RHPN2: variants seen among roughly 807,000 people sequenced by gnomAD.
RHPN2 encodes the protein rhophilin Rho GTPase binding protein 2, also known as rhophilin-2.
RHPN2 carries 40 observed loss-of-function variants against 79.0 expected under a neutral mutation model. That is an observed-to-expected ratio of 0.51 (90% CI 0.39 to 0.66). The LOEUF (loss-of-function observed/expected upper bound fraction) is 0.66. Ranked by LOEUF, RHPN2 falls within the 30% of genes least tolerant of loss-of-function variation. RHPN2 has a pLI of 0.00. For missense variants in RHPN2, 686 were observed against 883.5 expected, an observed-to-expected ratio of 0.78 and a Z score of 2.83; for synonymous variants, 285 against 363.5, an observed-to-expected ratio of 0.78 and a Z score of 2.46.
At chr19:33,060,303 A>G (rs917716282) in intron 1 of RHPN2, among the ~76,000 whole-genome samples, 3 of 151,862 alleles carry the variant, frequency 2.0e-5, no homozygotes, top group Non-Finnish European at 4.4e-5. Flanking sequence ...GTGCCACCAC[A>G]CCTGGCTAAT....
chr19:33,021,788 T>G, intron 3 of RHPN2, 142 bp from the exon 4 acceptor site: 1 of 692,346 alleles, frequency 1.4e-6, no homozygotes, highest in Non-Finnish European at 2.7e-6. Flanking sequence ...CAGGCTCATT[T>G]TCCATAAGGA....
chr19:33,011,816 GA>G lies in RHPN2; in HGVS notation c.469-14del, dbSNP rs1971837819. On this transcript the variant is annotated splice_polypyrimidine_tract_variant and intron_variant, in intron 5 of 14. Coordinates refer to ENST00000254260, the MANE Select transcript of RHPN2 (RefSeq NM_033103.5). ...GCGTCCGACAAGCCTGCAAGGAAAA[GA>G]ACCCAAGAGGGCATGAGCAGAGGAG... 6.2e-7 allele frequency: 1 copy of G among 1,613,938 alleles called. No individual in the cohort carries two copies. Among genetic ancestry groups the G allele is most frequent in the Admixed American group, 1.7e-5 (1 of 59,998 alleles).
intron 2 of RHPN2, among the ~76,000 whole-genome samples, chr19:33,030,025 G>A (rs564859133): frequency 1.3e-5 from 2 of 152,336 alleles, no homozygotes; most frequent in Non-Finnish European, 2.9e-5. Context: ...TGGATTCCCA[G>A]AAGGAAGGCA....
At chr19:32,981,431 GGGAAGGGAAGAGGGGAAA>G (rs1438479794) in intron 14 of RHPN2, among the ~76,000 whole-genome samples, 5 of 113,512 alleles carry the variant, frequency 4.4e-5, no homozygotes, top group African/African-American at 1.3e-4. Context: ...GGGGGGCGGG[GGGAAGGGAAGAGGGGAAA>G]GGAAGGGAAG....
At chr19:33,044,031 C>T (rs531045319) in intron 2 of RHPN2, among the ~76,000 whole-genome samples, 4 of 152,214 alleles carry the variant, frequency 2.6e-5, no homozygotes, top group South Asian at 2.1e-4. Flanking sequence ...AATGCCACAC[C>T]GTCTGCATCT....
At position 33,021,592 on chromosome 19, in the gene RHPN2, G is replaced by T. The variant is rs757158590; in HGVS notation, c.369C>A (p.Val123=). ...TTACCTTGAGGACGACTGCAAAGTCGACGTCTTTCGTTTCCTTCAGGCCAA... is the reference window on the plus strand; with the variant it reads ...TTACCTTGAGGACGACTGCAAAGTCTACGTCTTTCGTTTCCTTCAGGCCAA... The part of the protein sequence containing the change: ...IPLGLKETKD[V]DFAVVLKDFI... Residue 123 remains valine, a synonymous_variant, in exon 4 of 15, where the codon GTC becomes GTA. Transcript: ENST00000254260. 1 of 1,613,824 alleles carries T rather than the reference G, an allele frequency of 6.2e-7. No homozygotes were observed.
In RHPN2 at chr19:32,978,946, G is replaced by A. The variant is rs1447490536; in HGVS notation, c.*1050C>T. 1.3e-5 allele frequency: 2 copies of A among 152,072 alleles called. No individual in the cohort carries two copies. The highest frequency in any genetic ancestry group is 4.8e-5 in the African/African-American group (2 of 41,412). The allele number at this position is 152,072 out of a possible 1,614,324, so 9.4% of individuals were successfully genotyped here. On this transcript the variant is annotated 3_prime_UTR_variant, in exon 15 of 15. Transcript: ENST00000254260. The stretch of plus-strand genomic sequence containing the variant: ...GTGGATCATTTGAGGTCAGGATTTC[G>A]AAACCCGCCTGGCCAACATGGTGAA...
At position 33,012,694 on chromosome 19, in the gene RHPN2, C is replaced by T. The variant is rs1971844952; in HGVS notation, c.421G>A (p.Gly141Ser). Residue 141 changes from glycine to serine, a missense_variant, in exon 5 of 15, where the codon GGC (glycine) becomes AGC (serine). Gly to Ser is a moderately conservative substitution (Grantham distance 56). Coordinates refer to ENST00000254260, the MANE Select transcript of RHPN2 (RefSeq NM_033103.5). ...GCAATTTCATCTTCATATAAATAGC[C>T]ATCTTCACTGTAATGTTCCAGGATA... ...DFILEHYSED[G>S]YLYEDEIADL... 1.2e-6 allele frequency: 2 copies of T among 1,605,358 alleles called. No individual in the cohort carries two copies. Among genetic ancestry groups the T allele is most frequent in the Non-Finnish European group, 1.7e-6 (2 of 1,172,052 alleles).
intron 1 of RHPN2, among the ~76,000 whole-genome samples, chr19:33,045,435 G>C (rs1247913569): frequency 6.6e-6 from 1 of 151,198 alleles, no homozygotes; most frequent in Non-Finnish European, 1.5e-5. Context: ...ACAATTCATT[G>C]GTTTTTAGTA....
At chr19:33,058,172 A>G (rs918069806) in intron 1 of RHPN2, among the ~76,000 whole-genome samples, 19 of 152,144 alleles carry the variant, frequency 1.2e-4, no homozygotes, top group African/African-American at 4.3e-4. Flanking sequence ...AAACAAAAAA[A>G]GCCAAGAGGC....
chr19:33,042,953 C>T (rs1478243593), intron 2 of RHPN2, among the ~76,000 whole-genome samples: 1 of 151,972 alleles, frequency 6.6e-6, no homozygotes, highest in African/African-American at 2.4e-5. Flanking sequence ...GTGGCGGGCA[C>T]CTGTAATCCC....
At chr19:33,031,819 C>G (rs963392270) in intron 2 of RHPN2, among the ~76,000 whole-genome samples, 10 of 150,116 alleles carry the variant, frequency 6.7e-5, no homozygotes, top group African/African-American at 2.0e-4. Flanking sequence ...GTAGCTGGGA[C>G]AGTGATTCTC....
At chr19:33,061,042 T>C (rs1367691729) in intron 1 of RHPN2, among the ~76,000 whole-genome samples, 2 of 152,100 alleles carry the variant, frequency 1.3e-5, no homozygotes, top group Non-Finnish European at 2.9e-5. Flanking sequence ...CTTTAAATAC[T>C]TTGATGGATT....
intron 2 of RHPN2, among the ~76,000 whole-genome samples, chr19:33,032,165 A>T (rs1353593282): frequency 1.3e-5 from 2 of 151,294 alleles, no homozygotes; most frequent in Admixed American, 1.3e-4. Flanking sequence ...GGATTACAGG[A>T]GCCTGTCACC....
chr19:32,983,055 T>TACACAC (rs57230466), intron 14 of RHPN2, among the ~76,000 whole-genome samples: 3,794 of 102,790 alleles, frequency 0.037, 168 homozygotes, highest in East Asian at 0.071. Flanking sequence ...CCCAGATCTC[T>TACACAC]ACACACACAC....
chr19:32,987,675 T>G (rs1432049168), intron 14 of RHPN2, among the ~76,000 whole-genome samples: 6 of 152,224 alleles, frequency 3.9e-5, no homozygotes, highest in Admixed American at 6.5e-5. Context: ...TGCAGGGAGC[T>G]GCATTTTGTC....
chr19:33,019,569 A>C (rs1392451985), intron 4 of RHPN2, among the ~76,000 whole-genome samples: 1 of 151,206 alleles, frequency 6.6e-6, no homozygotes, highest in African/African-American at 2.4e-5. Context: ...ACGAGAGCTA[A>C]ATTCCATCTC....
intron 14 of RHPN2, among the ~76,000 whole-genome samples, chr19:32,987,850 C>T (rs1261318086): frequency 6.6e-6 from 1 of 152,142 alleles, no homozygotes; most frequent in African/African-American, 2.4e-5. Flanking sequence ...TGATTTCTCT[C>T]TCCTTCACCT....
rs981347586 is a variant in RHPN2 at position 33,064,768 on chromosome 19, G to T, written c.69+16C>A. 1.1e-5 allele frequency: 6 copies of T among 542,178 alleles called. No homozygotes were observed. Among genetic ancestry groups the T allele is most frequent in the Non-Finnish European group, 1.5e-5 (6 of 392,686 alleles). 33.6% of individuals were successfully genotyped at this position (542,178 alleles called of 1,614,324 possible). A position where few individuals can be genotyped will look rare whatever the true frequency, so the allele number is the denominator to read the frequency against. ...GGAGCCCGCAGGTCCCCGCCCGCCCGCCCGAAGCCGCCCACCTTCCGAAAG... is the reference window on the plus strand; with the variant it reads ...GGAGCCCGCAGGTCCCCGCCCGCCCTCCCGAAGCCGCCCACCTTCCGAAAG... On this transcript the variant is annotated intron_variant, in intron 1 of 14. Coordinates refer to ENST00000254260, the MANE Select transcript of RHPN2 (RefSeq NM_033103.5).
Sources: allele counts gnomAD v4.1 joint callset (sites outside exome capture counted in the v4.1 genomes callset), GRCh38; gene constraint gnomAD v4.1.1; transcripts MANE v1.5; gene names NCBI Gene and HGNC (gene_info 2026-07-23, HGNC 2026-07-21).